MAN2A1: variants seen among roughly 807,000 people sequenced by gnomAD.
MAN2A1 encodes alpha-mannosidase 2.
In MAN2A1, 76 loss-of-function variants were observed where a neutral mutation model predicts 142.6. The ratio of observed to expected loss-of-function variants is 0.53; its 90% CI spans 0.44 to 0.65. The LOEUF is 0.65. Ranked by LOEUF, MAN2A1 falls within the 30% of genes least tolerant of loss-of-function variation. MAN2A1 has a pLI of 0.00. For synonymous variants in MAN2A1, 559 were observed against 473.2 expected (o/e 1.18, Z -2.35); for missense variants, 1,311 against 1,365.1 (o/e 0.96, Z 0.62).
chr5:109,853,308 T>C (rs1175470458), intron 19 of MAN2A1, among the ~76,000 whole-genome samples: 1 of 152,144 alleles, frequency 6.6e-6, no homozygotes, highest in Non-Finnish European at 1.5e-5. Context: ...GCTTTTCAGC[T>C]TTGCATTTTC....
chr5:109,737,826 A>G (rs1236549631), intron 4 of MAN2A1, among the ~76,000 whole-genome samples: 1 of 152,164 alleles, frequency 6.6e-6, no homozygotes, highest in African/African-American at 2.4e-5. Context: ...AAAAAGGCCT[A>G]AAGTTTGCTT....
intron 17 of MAN2A1, among the ~76,000 whole-genome samples, chr5:109,842,733 C>T (rs528400072): frequency 3.4e-5 from 5 of 149,090 alleles, no homozygotes; most frequent in Admixed American, 6.7e-5. Flanking sequence ...TATCTTGATG[C>T]TAAAAAATAT....
rs1383157413 is a variant in MAN2A1, at chr5:109,820,324, A to G, written c.2433A>G (p.Leu811=). 1.2e-6 allele frequency: 2 copies of G among 1,612,986 alleles called. No homozygotes were observed. Among genetic ancestry groups the G allele is most frequent in the African/African-American group, 1.3e-5 (1 of 74,882 alleles). ...KRDKSGAYLF[L]PDGNAKPYVY... ...ACAAAAGTGGTGCCTACCTCTTCTT[A>G]CCTGATGGTAATGCCAAGGTAAGTG... The change falls in exon 15 of 22, where the codon TTA becomes TTG. Residue 811 remains leucine, a synonymous_variant. Transcript: ENST00000261483.
chr5:109,708,620 A>C (rs889386794), intron 1 of MAN2A1, among the ~76,000 whole-genome samples: 1 of 151,722 alleles, frequency 6.6e-6, no homozygotes, highest in Admixed American at 6.6e-5. Context: ...GGCCATCTGC[A>C]TCTGCATGCT....
chr5:109,843,583 A>ATG (rs962875430), intron 17 of MAN2A1, among the ~76,000 whole-genome samples: 24 of 152,120 alleles, frequency 1.6e-4, no homozygotes, highest in Admixed American at 1.5e-3. Context: ...CTTCCTCTAT[A>ATG]TGTGTGTGTG....
intron 16 of MAN2A1, among the ~76,000 whole-genome samples, chr5:109,834,347 T>C (rs988138714): frequency 3.3e-5 from 5 of 152,140 alleles, no homozygotes; most frequent in Admixed American, 1.3e-4. Flanking sequence ...ATTTTATCTA[T>C]TTTGAGGTTA....
intron 15 of MAN2A1, among the ~76,000 whole-genome samples, chr5:109,822,137 T>TTTTTGG (rs2112728566): frequency 1.3e-5 from 2 of 151,094 alleles, no homozygotes; most frequent in South Asian, 4.2e-4. Flanking sequence ...TTTGTTTTTG[T>TTTTTGG]TTTTGGTTTT....
chr5:109,751,422 C>G (rs956088997), intron 4 of MAN2A1, among the ~76,000 whole-genome samples: 2 of 152,012 alleles, frequency 1.3e-5, no homozygotes, highest in African/African-American at 4.8e-5. Context: ...TAGGTTGATT[C>G]CGATCTTTGG....
chr5:109,801,029 A>G (rs780478589), intron 12 of MAN2A1, among the ~76,000 whole-genome samples: 1 of 152,366 alleles, frequency 6.6e-6, no homozygotes, highest in East Asian at 1.9e-4. Context: ...TTGTTACCCA[A>G]TATGACTTCT....
intron 4 of MAN2A1, among the ~76,000 whole-genome samples, chr5:109,735,040 G>A (rs1233047275): frequency 1.3e-5 from 2 of 152,118 alleles, no homozygotes; most frequent in African/African-American, 2.4e-5. Context: ...GACTTGCTTT[G>A]TGAAACTGGG....
At chr5:109,856,580 A>G (rs925160200) in intron 20 of MAN2A1, among the ~76,000 whole-genome samples, 1 of 152,180 alleles carries the variant, frequency 6.6e-6, no homozygotes, top group Non-Finnish European at 1.5e-5. Context: ...GTATTTGTAA[A>G]TTGCTGTCCT....
chr5:109,694,750 T>C (rs1294723140), intron 1 of MAN2A1, among the ~76,000 whole-genome samples: 2 of 152,182 alleles, frequency 1.3e-5, no homozygotes, highest in African/African-American at 2.4e-5. Flanking sequence ...TAGTAGATGT[T>C]ATTAATGAAA....
chr5:109,737,581 G>C (rs967298602), intron 4 of MAN2A1, among the ~76,000 whole-genome samples: 1 of 151,630 alleles, frequency 6.6e-6, no homozygotes, highest in African/African-American at 2.4e-5. Context: ...TTTTATCTTC[G>C]TACAGTCAGT....
intron 12 of MAN2A1, among the ~76,000 whole-genome samples, chr5:109,811,573 C>CGTGTGTGTGTGTGTGT (rs70999943): frequency 6.9e-6 from 1 of 144,932 alleles, no homozygotes; most frequent in Non-Finnish European, 1.5e-5. Flanking sequence ...TCCTAACAGC[C>CGTGTGTGTGTGTGTGT]GTGTGTGTGT....
At chr5:109,751,742 C>T (rs1173139602) in intron 4 of MAN2A1, among the ~76,000 whole-genome samples, 3 of 152,080 alleles carry the variant, frequency 2.0e-5, no homozygotes, top group Non-Finnish European at 1.5e-5. Flanking sequence ...TATTACTCTT[C>T]TCTAGACTGT....
At position 109,789,469 on chromosome 5, in the gene MAN2A1, C is replaced by G; in HGVS notation, c.1885C>G (p.Gln629Glu). 1 of 1,579,556 alleles carries G rather than the reference C, an allele frequency of 6.3e-7. No individual in the cohort carries two copies. The highest frequency in any genetic ancestry group is 8.6e-7 in the Non-Finnish European group (1 of 1,158,342). ...CTGTTCATTTTTATAGGATTTGAAA[C>G]AAAAATCACAAGATTCTCTGCCACA... ...PDTFLEMDLKQKSQDSLPQKN... is the reference protein window; with the variant it reads ...PDTFLEMDLKEKSQDSLPQKN... Residue 629 changes from glutamine to glutamate, a missense_variant, in exon 12 of 22, where the codon CAA becomes GAA. Gln to Glu is a conservative substitution (Grantham distance 29). This residue lies in a region of MAN2A1 where 890 missense variants were observed against 920.5 expected (regional missense o/e 0.97). Transcript: ENST00000261483.
intron 16 of MAN2A1, among the ~76,000 whole-genome samples, chr5:109,825,512 G>A (rs1754732372): frequency 6.6e-6 from 1 of 152,074 alleles, no homozygotes; most frequent in Admixed American, 6.5e-5. Context: ...TATCTTCTGG[G>A]TTTTCCTTGG....
chr5:109,766,454 C>G (rs1752992437), intron 5 of MAN2A1, among the ~76,000 whole-genome samples: 1 of 152,124 alleles, frequency 6.6e-6, no homozygotes, highest in Admixed American at 6.6e-5. Flanking sequence ...ACTGTATACT[C>G]TTGGTCCCCT....
At chr5:109,832,172 T>TTTTTTTTTTTTTTTA (rs1754926964) in intron 16 of MAN2A1, among the ~76,000 whole-genome samples, 1 of 145,408 alleles carries the variant, frequency 6.9e-6, no homozygotes, top group Non-Finnish European at 1.5e-5. Flanking sequence ...TTTTTTTTTT[T>TTTTTTTTTTTTTTTA]TTTTTTTTTT....
Sources: gnomAD v4.1 joint callset for allele counts (sites outside exome capture counted in the v4.1 genomes callset) on GRCh38, gnomAD v4.1.1 for gene constraint, gnomAD v4.1.1 regional missense constraint, MANE v1.5 for transcripts, NCBI Gene and HGNC (gene_info 2026-07-23, HGNC 2026-07-21) for gene names.